The following BAIAP2L2 variants were observed in gnomAD, a reference collection of about 807,000 sequenced individuals.
BAIAP2L2 encodes the protein BAR/IMD domain containing adaptor protein 2 like 2.
BAIAP2L2 carries 65 observed loss-of-function variants against 60.4 expected under a neutral mutation model. The ratio of observed to expected loss-of-function variants is 1.08; its 90% CI spans 0.88 to 1.32. BAIAP2L2 has a LOEUF of 1.32. Among genes scored for constraint, BAIAP2L2 ranks in the 40% most tolerant of loss-of-function variants. The probability of loss-of-function intolerance (pLI) is 0.00; values close to 1 mark genes in which losing one functional copy is unlikely to be tolerated. For synonymous variants in BAIAP2L2, 344 were observed against 301.7 expected, an observed-to-expected ratio of 1.14 and a Z score of -1.45; for missense variants, 836 against 741.2, an observed-to-expected ratio of 1.13 and a Z score of -1.48.
chr22:38,087,161 T>C lies in BAIAP2L2; in HGVS notation c.1222A>G (p.Met408Val), dbSNP rs770659045. Reference sequence around the variant, plus strand: ...TCGTTCCCGGGGTTCATGGGTGTCATGGGGGACATGGAGGTCATGGAGGTC... The same window carrying C: ...TCGTTCCCGGGGTTCATGGGTGTCACGGGGGACATGGAGGTCATGGAGGTC... Reference protein sequence around the residue: ...PMTSMTSMSPMTPMNPGNELP... With the variant: ...PMTSMTSMSPVTPMNPGNELP... Residue 408 changes from methionine to valine, a missense_variant, in exon 11 of 14, where the codon ATG becomes GTG. By Grantham distance (21) the Met-to-Val change is conservative. Transcript: ENST00000381669. 2.5e-6 allele frequency: 4 copies of C among 1,601,562 alleles called. No homozygotes were observed. The highest frequency in any genetic ancestry group is 2.6e-6 in the Non-Finnish European group (3 of 1,175,312).
At chr22:38,102,919 G>A (rs1485665158) in intron 4 of BAIAP2L2, among the ~76,000 whole-genome samples, 1 of 151,746 alleles carries the variant, frequency 6.6e-6, no homozygotes, top group African/African-American at 2.4e-5. Context: ...GGTGGCAGGC[G>A]CCTGTGGTCC....
At chr22:38,089,365 GCGCGGAGAA>G (rs2086217903) in intron 8 of BAIAP2L2, 134 bp from the exon 9 acceptor site, 2 of 568,740 alleles carry the variant, frequency 3.5e-6, no homozygotes, top group Admixed American at 4.4e-5. Flanking sequence ...CACCACGGGG[GCGCGGAGAA>G]CGCGCCGGGG....
At chr22:38,099,165 G>A (rs980109151) in intron 4 of BAIAP2L2, among the ~76,000 whole-genome samples, 1 of 152,208 alleles carries the variant, frequency 6.6e-6, no homozygotes, top group Non-Finnish European at 1.5e-5. Context: ...TTCTAGTTCT[G>A]CCTCCTATTT....
chr22:38,096,989 G>T (rs1261425846), intron 7 of BAIAP2L2, 43 bp downstream of exon 7: 1 of 1,578,332 alleles, frequency 6.3e-7, no homozygotes, highest in East Asian at 2.3e-5. Flanking sequence ...GGAGGGGGCA[G>T]CTCCTAGAAG....
At chr22:38,089,462 C>G in intron 8 of BAIAP2L2, 60 bp downstream of exon 8, 1 of 1,028,338 alleles carries the variant, frequency 9.7e-7, no homozygotes, top group Non-Finnish European at 1.2e-6. Context: ...GCCTGAGGCC[C>G]CGGGCCCCCG....
chr22:38,092,967 G>C (rs1422400222), intron 7 of BAIAP2L2, among the ~76,000 whole-genome samples: 1 of 152,078 alleles, frequency 6.6e-6, no homozygotes, highest in Non-Finnish European at 1.5e-5. Context: ...AGGAGTTCAA[G>C]ACCAGCCTGG....
rs139580038 is a variant in BAIAP2L2, at chr22:38,086,587, C to T, written c.1260-138G>A. On this transcript the variant is annotated intron_variant, in intron 11 of 13. Coordinates refer to ENST00000381669, the MANE Select transcript of BAIAP2L2 (RefSeq NM_025045.6). The stretch of plus-strand genomic sequence containing the variant: ...ACCTGCATGAAAGGAGACTGTTGAC[C>T]GGAGGGAGGTCCTGAGAGGAGGCAG... The T allele has an allele frequency of 2.7e-5, 18 of 670,220 alleles. 1 individual carries two copies. The highest frequency in any genetic ancestry group is 2.0e-4 in the East Asian group (7 of 34,408). 41.5% of individuals were successfully genotyped at this position (670,220 alleles called of 1,614,324 possible). A position where few individuals can be genotyped will look rare whatever the true frequency, so the allele number is the denominator to read the frequency against.
At chr22:38,089,274 G>GC in intron 8 of BAIAP2L2, 43 bp from the exon 9 acceptor site, 1 of 132,406 alleles carries the variant, frequency 7.6e-6, no homozygotes, top group Non-Finnish European at 1.4e-5. Flanking sequence ...GGGGGGGGGG[G>GC]GGGGCGGGGC....
chr22:38,094,607 G>A (rs138550350), intron 7 of BAIAP2L2, among the ~76,000 whole-genome samples: 13 of 152,290 alleles, frequency 8.5e-5, no homozygotes, highest in African/African-American at 2.6e-4. Flanking sequence ...TGGGTGAATC[G>A]TATGTGAATT....
chr22:38,087,898 C>CA lies in BAIAP2L2; in HGVS notation c.1119-635_1119-634insT, dbSNP rs1446010552. The stretch of plus-strand genomic sequence containing the variant: ...TAACCACCCAGTCAGTGACCCCCCC[C>CA]CCGCCATTTAAGGCCATCCACTTGC... On this transcript the variant is annotated intron_variant, in intron 10 of 13. Transcript: ENST00000381669. Among the ~76,000 whole-genome samples, 47 of 151,562 alleles carry CA rather than the reference C, an allele frequency of 3.1e-4. 1 individual carries two copies. The highest frequency in any genetic ancestry group is 7.5e-4 in the African/African-American group (31 of 41,252).
chr22:38,108,513 A>C (rs1007560537), intron 2 of BAIAP2L2, among the ~76,000 whole-genome samples, 172 bp from the exon 3 acceptor site: 2 of 152,076 alleles, frequency 1.3e-5, no homozygotes, highest in Non-Finnish European at 2.9e-5. Context: ...CAGGGGCATA[A>C]GGTGAGGGCT....
intron 7 of BAIAP2L2, 145 bp from the exon 8 acceptor site, chr22:38,089,819 G>C (rs2086237378): frequency 1.2e-6 from 1 of 810,542 alleles, no homozygotes; most frequent in Non-Finnish European, 1.6e-6. Context: ...CCAGAAGCCA[G>C]CTCACCGTCC....
At position 38,086,314 on chromosome 22, in the gene BAIAP2L2, G is replaced by C; in HGVS notation, c.1395C>G (p.Ser465Arg). 6.3e-7 allele frequency: 1 copy of C among 1,586,320 alleles called. No homozygotes were observed. The highest frequency in any genetic ancestry group is 8.6e-7 in the Non-Finnish European group (1 of 1,162,700). The change falls in exon 12 of 14, where the codon AGC becomes AGG. Residue 465 changes from serine (S) to arginine (R), a missense_variant. Coordinates refer to ENST00000381669, the MANE Select transcript of BAIAP2L2 (RefSeq NM_025045.6). ...TGCTGGGCAAGGGTGGAGGTGCAGGGCTGGGGGCACGGCTTGGCACCCGGC... is the reference window on the plus strand; with the variant it reads ...TGCTGGGCAAGGGTGGAGGTGCAGGCCTGGGGGCACGGCTTGGCACCCGGC... ...TPSRVPSRAP[S>R]PAPPPLPSSR...
Position 38,089,580 on chromosome 22 carries a change from C to G in BAIAP2L2, c.707G>C (p.Gly236Ala), listed in dbSNP as rs2086229017. Reference protein sequence around the residue: ...PSRAHSPGLLGPALGPPYPSG... With the variant: ...PSRAHSPGLLAPALGPPYPSG... ...GGGGTAGGGCGGCCCCAGCGCGGGG[C>G]CCAGCAGGCCGGGGGAGTGGGCGCG... Residue 236 changes from glycine to alanine, a missense_variant, in exon 8 of 14, where the codon GGC becomes GCC. Gly to Ala is a moderately conservative substitution (Grantham distance 60). Coordinates refer to ENST00000381669, the MANE Select transcript of BAIAP2L2 (RefSeq NM_025045.6). 8.1e-7 allele frequency: 1 copy of G among 1,232,800 alleles called. No individual in the cohort carries two copies. Among genetic ancestry groups the G allele is most frequent in the Admixed American group, 4.2e-5 (1 of 23,602 alleles). The allele number at this position is 1,232,800 out of a possible 1,614,324, so 76.4% of individuals were successfully genotyped here.
intron 10 of BAIAP2L2, among the ~76,000 whole-genome samples, chr22:38,088,070 C>T (rs181612391): frequency 4.1e-4 from 63 of 152,308 alleles, no homozygotes; most frequent in African/African-American, 1.5e-3. Flanking sequence ...ATTCATCCTG[C>T]GCTGCTTCTC....
intron 6 of BAIAP2L2, 29 bp from the exon 7 acceptor site, chr22:38,097,207 G>C (rs1368453126): frequency 1.4e-5 from 23 of 1,605,864 alleles, no homozygotes; most frequent in Non-Finnish European, 2.0e-5. Context: ...TCTGGCTGGG[G>C]GCGGTGGGTG....
intron 11 of BAIAP2L2, 75 bp from the exon 12 acceptor site, chr22:38,086,524 C>T (rs773808494): frequency 2.7e-5 from 32 of 1,192,262 alleles, no homozygotes; most frequent in Non-Finnish European, 3.6e-5. Flanking sequence ...GTAGCTGGGG[C>T]ACCTTAGGCA....
rs553799224 is a variant in BAIAP2L2, at chr22:38,086,378, G to C, written c.1331C>G (p.Ser444Trp). 2 of 764,262 alleles carry C rather than the reference G, an allele frequency of 2.6e-6. No homozygotes were observed. Among genetic ancestry groups the C allele is most frequent in the East Asian group, 2.9e-5 (1 of 33,980 alleles). The allele number at this position is 764,262 out of a possible 1,614,324, so 47.3% of individuals were successfully genotyped here. The change falls in exon 12 of 14, where the codon TCG (serine) becomes TGG (tryptophan). Residue 444 changes from serine to tryptophan, a missense_variant. Physicochemically the swap from Ser to Trp is radical, Grantham distance 177. Coordinates refer to ENST00000381669, the MANE Select transcript of BAIAP2L2 (RefSeq NM_025045.6). ...GCGGGACTGGCCATCCCAGTACTCCGAGGGTGCTATGGAGTTGCCCGGCCG... is the reference window on the plus strand; with the variant it reads ...GCGGGACTGGCCATCCCAGTACTCCCAGGGTGCTATGGAGTTGCCCGGCCG... The part of the protein sequence containing the change: ...LDRPGNSIAP[S>W]EYWDGQSRSR...
intron 3 of BAIAP2L2, 42 bp from the exon 4 acceptor site, chr22:38,107,955 CT>C: frequency 6.3e-7 from 1 of 1,595,416 alleles, no homozygotes; most frequent in Non-Finnish European, 8.6e-7. Flanking sequence ...GTGTGGCAGC[CT>C]GCCCCGCCCA....
Sources: gnomAD v4.1 joint callset for allele counts (sites outside exome capture counted in the v4.1 genomes callset) on GRCh38, gnomAD v4.1.1 for gene constraint, MANE v1.5 for transcripts, NCBI Gene and HGNC (gene_info 2026-07-23, HGNC 2026-07-21) for gene names.